Variants in MMP26 observed in about 807,000 individuals in gnomAD.
The protein encoded by MMP26 is matrix metalloproteinase-26.
MMP26 carries 33 observed loss-of-function variants against 31.0 expected under a neutral mutation model. The ratio of observed to expected loss-of-function variants is 1.06; its 90% CI spans 0.81 to 1.42. The LOEUF (loss-of-function observed/expected upper bound fraction) is 1.42, where lower values mean the gene tolerates loss of function less well. MMP26 is among the 40% of genes most tolerant of loss of function. MMP26 has a pLI of 0.00. For synonymous variants in MMP26, 122 were observed against 114.9 expected, an observed-to-expected ratio of 1.06 and a Z score of -0.40; for missense variants, 347 against 316.1, an observed-to-expected ratio of 1.10 and a Z score of -0.74.
intron 2 of MMP26, among the ~76,000 whole-genome samples, chr11:4,893,672 C>T (rs1436131735): frequency 6.6e-6 from 1 of 152,050 alleles, no homozygotes; most frequent in African/African-American, 2.4e-5. Context: ...TGTGCCTCTG[C>T]CACATAGTAG....
At position 4,718,138 on chromosome 11, in the gene MMP26, A is replaced by G. The variant is rs189442542; in HGVS notation, c.-217+13093A>G. Among the ~76,000 whole-genome samples the G allele has an allele frequency of 2.6e-5, 4 of 152,344 alleles. No individual in the cohort carries two copies. In the East Asian group the frequency reaches 7.7e-4, roughly 29 times the overall value. On this transcript the variant is annotated intron_variant, in intron 1 of 7. Coordinates refer to ENST00000380390, the MANE Select transcript of MMP26 (RefSeq NM_021801.5). ...GTTGGCTATTTATTAGACATATTGGATCTGATTCTGATTGAAAGAAAATAG... is the reference window on the plus strand; with the variant it reads ...GTTGGCTATTTATTAGACATATTGGGTCTGATTCTGATTGAAAGAAAATAG...
chr11:4,792,787 C>A (rs1849047530), intron 2 of MMP26, among the ~76,000 whole-genome samples: 2 of 152,082 alleles, frequency 1.3e-5, no homozygotes, highest in Non-Finnish European at 1.5e-5. Context: ...GGTCAGAGGT[C>A]TTTAGGTGGA....
intron 2 of MMP26, chr11:4,848,473 G>A (rs1200041103): frequency 1.2e-6 from 2 of 1,613,666 alleles, no homozygotes; most frequent in Non-Finnish European, 1.7e-6. Flanking sequence ...GCACAGGTTT[G>A]ACCAGCCTTC....
intron 2 of MMP26, among the ~76,000 whole-genome samples, chr11:4,823,790 T>A (rs1409924111): frequency 2.0e-5 from 3 of 152,146 alleles, no homozygotes; most frequent in Non-Finnish European, 4.4e-5. Flanking sequence ...AAGTATATTA[T>A]CCTCAATTAT....
intron 1 of MMP26, among the ~76,000 whole-genome samples, chr11:4,714,339 A>G (rs947124767): frequency 6.6e-6 from 1 of 152,166 alleles, no homozygotes; most frequent in Non-Finnish European, 1.5e-5. Context: ...TTTGCTGCTT[A>G]GAGCAGGTTG....
chr11:4,931,942 G>C (rs118147778), intron 2 of MMP26, among the ~76,000 whole-genome samples: 1 of 152,004 alleles, frequency 6.6e-6, no homozygotes, highest in Non-Finnish European at 1.5e-5. Context: ...GCTAGCACAC[G>C]TTCGGTTCTT....
chr11:4,869,290 A>C (rs1051380338), intron 2 of MMP26, among the ~76,000 whole-genome samples: 1 of 152,228 alleles, frequency 6.6e-6, no homozygotes, highest in African/African-American at 2.4e-5. Flanking sequence ...AACCTACAGA[A>C]TGGGAGAAAA....
chr11:4,839,180 G>T lies in MMP26; in HGVS notation c.-145+71839G>T, dbSNP rs186592552. Among the ~76,000 whole-genome samples, 50 of 152,236 alleles carry T rather than the reference G, an allele frequency of 3.3e-4. No individual in the cohort carries two copies. In the East Asian group the frequency reaches 3.3e-3, roughly 10 times the overall value. ...CAGAGGGGAATCACTGATCCCAGCA[G>T]TCAAAACTGGACTTCCTGTAAACCT... On this transcript the variant is annotated intron_variant, in intron 2 of 7. Transcript: ENST00000380390.
Position 4,804,465 on chromosome 11 carries a change from A to T in MMP26, c.-145+37124A>T, listed in dbSNP as rs762951112. The T allele has an allele frequency of 2.1e-5, 23 of 1,078,790 alleles. No individual in the cohort carries two copies. In the South Asian group the frequency reaches 2.8e-4, roughly 13 times the overall value. The allele number at this position is 1,078,790 out of a possible 1,614,324, so 66.8% of individuals were successfully genotyped here. On this transcript the variant is annotated intron_variant, in intron 2 of 7. Coordinates refer to ENST00000380390, the MANE Select transcript of MMP26 (RefSeq NM_021801.5). ...CAAAACAAGTGTTATTATTATATACAAGGCTTTTGGATGGGACTATTGGAT... is the reference window on the plus strand; with the variant it reads ...CAAAACAAGTGTTATTATTATATACTAGGCTTTTGGATGGGACTATTGGAT...
chr11:4,859,451 A>G (rs1850109301), intron 2 of MMP26, among the ~76,000 whole-genome samples: 1 of 152,240 alleles, frequency 6.6e-6, no homozygotes, highest in African/African-American at 2.4e-5. Flanking sequence ...TAGTATATAC[A>G]GAACAATAAT....
At chr11:4,926,285 G>A (rs34521170) in intron 2 of MMP26, among the ~76,000 whole-genome samples, 2 of 152,164 alleles carry the variant, frequency 1.3e-5, no homozygotes, top group African/African-American at 4.8e-5. Context: ...GAAAGAAGTA[G>A]AGACTTGGAG....
Position 4,815,105 on chromosome 11 carries a change from T to A in MMP26, c.-145+47764T>A, listed in dbSNP as rs541286093. On this transcript the variant is annotated intron_variant, in intron 2 of 7. Coordinates refer to ENST00000380390, the MANE Select transcript of MMP26 (RefSeq NM_021801.5). ...GGAAGATAAGAGACAAAAGTTGCAT[T>A]CTTTTGATCAACCTTTCACTAAATA... 2.6e-5 allele frequency among the ~76,000 whole-genome samples: 4 copies of A among 152,290 alleles called. No individual in the cohort carries two copies. In the South Asian group the frequency reaches 8.3e-4, roughly 32 times the overall value.
chr11:4,769,718 C>G (rs11033800), intron 2 of MMP26: 1 of 1,612,206 alleles, frequency 6.2e-7, no homozygotes, highest in Non-Finnish European at 8.5e-7. Flanking sequence ...GGCTGATAGC[C>G]TGAAGAGGAA....
chr11:4,881,984 A>T, intron 2 of MMP26: 1 of 1,613,796 alleles, frequency 6.2e-7, no homozygotes, highest in Non-Finnish European at 8.5e-7. Context: ...TCATGTCTGG[A>T]TCTCCATTCC....
intron 1 of MMP26, among the ~76,000 whole-genome samples, chr11:4,730,626 C>A (rs1432108327): frequency 2.6e-5 from 4 of 152,180 alleles, no homozygotes; most frequent in African/African-American, 9.7e-5. Context: ...AGTATGCACT[C>A]AAGACTACGT....
At chr11:4,825,205 G>C (rs1203826114) in intron 2 of MMP26, among the ~76,000 whole-genome samples, 1 of 152,036 alleles carries the variant, frequency 6.6e-6, no homozygotes. Flanking sequence ...TGTTTCTTCT[G>C]GCATAAAATA....
chr11:4,934,094 T>C (rs1851394823), intron 2 of MMP26, among the ~76,000 whole-genome samples: 1 of 120,066 alleles, frequency 8.3e-6, no homozygotes, highest in Admixed American at 9.0e-5. Context: ...TACCCAGTAA[T>C]GGGATGGCTG....
At chr11:4,924,994 GT>G (rs1320065882) in intron 2 of MMP26, among the ~76,000 whole-genome samples, 2 of 152,286 alleles carry the variant, frequency 1.3e-5, no homozygotes, top group African/African-American at 4.8e-5. Flanking sequence ...ATATATAAGT[GT>G]AGTGTGACTA....
intron 1 of MMP26, among the ~76,000 whole-genome samples, chr11:4,740,406 G>A (rs1248137948): frequency 6.6e-6 from 1 of 152,066 alleles, no homozygotes; most frequent in African/African-American, 2.4e-5. Flanking sequence ...TTTTGGGGCT[G>A]GGGGCGGTGG....
Sources: allele counts gnomAD v4.1 joint callset (sites outside exome capture counted in the v4.1 genomes callset), GRCh38; gene constraint gnomAD v4.1.1; transcripts MANE v1.5; gene names NCBI Gene and HGNC (gene_info 2026-07-23, HGNC 2026-07-21).